Variants in SLC37A1 observed in about 807,000 individuals in gnomAD.
SLC37A1 encodes the protein glucose-6-phosphate exchanger SLC37A1.
Under a neutral mutation model 75.3 loss-of-function variants are expected in SLC37A1, and 49 were observed. That is an observed-to-expected ratio of 0.65 (90% confidence interval 0.52 to 0.83). The LOEUF (loss-of-function observed/expected upper bound fraction) is 0.83, where lower values mean the gene tolerates loss of function less well. Among genes scored for constraint, SLC37A1 ranks in the 40% least tolerant of loss-of-function variants. The probability of loss-of-function intolerance (pLI) is 0.00; values close to 1 mark genes in which losing one functional copy is unlikely to be tolerated. For synonymous variants in SLC37A1, 268 were observed against 292.1 expected (o/e 0.92, Z 0.84); for missense variants, 566 against 695.0 (o/e 0.81, Z 2.09).
At chr21:42,530,625 CACACACACACACACACACACACACACA>C (rs1323515384) in intron 3 of SLC37A1, among the ~76,000 whole-genome samples, 3 of 106,658 alleles carry the variant, frequency 2.8e-5, no homozygotes, top group Non-Finnish European at 6.4e-5. Flanking sequence ...CACACACACA[CACACACACACACACACACACACACACA>C]CACCCCCTCT....
rs746647344 is a variant in SLC37A1 at position 42,543,612 on chromosome 21, C to T, written c.730+10C>T. 6.9e-6 allele frequency: 11 copies of T among 1,584,568 alleles called. No homozygotes were observed. Among genetic ancestry groups the T allele is most frequent in the South Asian group, 4.6e-5 (4 of 87,282 alleles). On this transcript the variant is annotated intron_variant, in intron 8 of 19. Coordinates refer to ENST00000352133, the MANE Select transcript of SLC37A1 (RefSeq NM_001320537.2). ...CTCTTCCTCATTGAACGTAAGTGCA[C>T]GTGGCCTTGGAGACCACCCACCAAG...
At chr21:42,537,251 G>C (rs928124269) in intron 5 of SLC37A1, among the ~76,000 whole-genome samples, 1 of 152,250 alleles carries the variant, frequency 6.6e-6, no homozygotes, top group African/African-American at 2.4e-5. Flanking sequence ...TGGAATCCCA[G>C]AGTGTGTGGT....
At chr21:42,542,353 G>A in intron 6 of SLC37A1, 51 bp from the exon 7 acceptor site, 2 of 1,572,540 alleles carry the variant, frequency 1.3e-6, no homozygotes, top group South Asian at 2.3e-5. Flanking sequence ...CTGCAGCGCT[G>A]TCCCGGGCCT....
intron 3 of SLC37A1, among the ~76,000 whole-genome samples, chr21:42,528,379 G>A (rs1373221602): frequency 2.0e-5 from 3 of 152,182 alleles, no homozygotes; most frequent in Non-Finnish European, 4.4e-5. Context: ...ATCTTAGTGC[G>A]AGCTCTTTTC....
intron 2 of SLC37A1, chr21:42,508,806 A>T (rs1322470885): frequency 6.6e-6 from 1 of 152,202 alleles, no homozygotes; most frequent in Non-Finnish European, 1.5e-5. Context: ...CAAGAAAGTT[A>T]CTCTGCTGGG....
At chr21:42,526,755 C>G (rs1187364620) in intron 3 of SLC37A1, among the ~76,000 whole-genome samples, 1 of 152,178 alleles carries the variant, frequency 6.6e-6, no homozygotes, top group Non-Finnish European at 1.5e-5. Context: ...CTAAAATTCC[C>G]CCTTGGCCCC....
rs559665232 is a variant in SLC37A1, at chr21:42,519,656, C to T, written c.56+1146C>T. Among the ~76,000 whole-genome samples, 25 of 152,350 alleles carry T rather than the reference C, an allele frequency of 1.6e-4. 1 individual carries two copies. In the South Asian group the frequency reaches 5.2e-3, roughly 32 times the overall value. On this transcript the variant is annotated intron_variant, in intron 2 of 19. Transcript: ENST00000352133. Reference sequence around the variant, plus strand: ...CAGCCCCCAGCCCTGTGCAGCTTCTCAGCCCTGCTGGTTGGTGGAGCATCC... The same window carrying T: ...CAGCCCCCAGCCCTGTGCAGCTTCTTAGCCCTGCTGGTTGGTGGAGCATCC...
chr21:42,556,467 G>T (rs548516855), intron 10 of SLC37A1, among the ~76,000 whole-genome samples: 2 of 152,362 alleles, frequency 1.3e-5, no homozygotes, highest in African/African-American at 4.8e-5. Context: ...GTAGCGGGGT[G>T]AGCTTAGCAT....
rs753264834 is a variant in SLC37A1, at chr21:42,547,152, G to A, written c.768+12G>A. The stretch of plus-strand genomic sequence containing the variant: ...CCACCCTGGTGACGGTAAGGACCCT[G>A]TTTTCTTGTCCTTTTCTAGAACAGT... On this transcript the variant is annotated intron_variant, in intron 9 of 19. Coordinates refer to ENST00000352133, the MANE Select transcript of SLC37A1 (RefSeq NM_001320537.2). This position sits in a 1 kb window ranked among gnomAD's most constrained non-coding sequence, Gnocchi z 6.1. 1.5e-5 allele frequency: 25 copies of A among 1,614,050 alleles called. No individual in the cohort carries two copies. The highest frequency in any genetic ancestry group is 8.5e-7 in the Non-Finnish European group (1 of 1,180,008).
At position 42,567,114 on chromosome 21, in the gene SLC37A1, A is replaced by G. The variant is rs377691006; in HGVS notation, c.1344+56A>G. On this transcript the variant is annotated intron_variant, in intron 16 of 19. Coordinates refer to ENST00000352133, the MANE Select transcript of SLC37A1 (RefSeq NM_001320537.2). ...GTGGGCACCCTGCCATGTGCCATTC[A>G]TGACAAAAGTGGCCTCCATTACTGT... 486 of 1,582,244 alleles carry G rather than the reference A, an allele frequency of 3.1e-4. 4 individuals are homozygous for G. Among genetic ancestry groups the G allele is most frequent in the Admixed American group, 2.0e-3 (120 of 58,608 alleles).
chr21:42,562,615 G>A (rs1224229475), intron 12 of SLC37A1, among the ~76,000 whole-genome samples: 1 of 152,184 alleles, frequency 6.6e-6, no homozygotes, highest in Non-Finnish European at 1.5e-5. Flanking sequence ...TTATGTTTCA[G>A]AAGCCCCGCA....
chr21:42,551,113 A>C (rs1359709150), intron 9 of SLC37A1, among the ~76,000 whole-genome samples: 1 of 152,378 alleles, frequency 6.6e-6, no homozygotes, highest in African/African-American at 2.4e-5. Flanking sequence ...TTAGACAAGA[A>C]GTAAGACTAC....
intron 1 of SLC37A1, among the ~76,000 whole-genome samples, chr21:42,500,920 A>G (rs1413747707): frequency 6.6e-6 from 1 of 152,256 alleles, no homozygotes; most frequent in Non-Finnish European, 1.5e-5. Context: ...ATGTAGGTCA[A>G]TGGAAGGCTA....
At chr21:42,531,977 CA>C (rs1425659901) in intron 3 of SLC37A1, among the ~76,000 whole-genome samples, 4 of 152,034 alleles carry the variant, frequency 2.6e-5, no homozygotes, top group South Asian at 2.1e-4. Flanking sequence ...GGACCCTTCC[CA>C]GGGGCGGAGG....
At chr21:42,544,914 C>A (rs563308503) in intron 8 of SLC37A1, among the ~76,000 whole-genome samples, 1 of 152,326 alleles carries the variant, frequency 6.6e-6, no homozygotes, top group African/African-American at 2.4e-5. Context: ...TGTCTCCTGC[C>A]TGAGGGTAGA....
intron 1 of SLC37A1, among the ~76,000 whole-genome samples, chr21:42,501,082 C>T (rs2054336738): frequency 6.6e-6 from 1 of 152,336 alleles, no homozygotes; most frequent in Middle Eastern, 3.4e-3. Context: ...TCGAATTTCA[C>T]GTTGGGTAGC....
At chr21:42,502,041 T>G (rs891002926) in intron 1 of SLC37A1, among the ~76,000 whole-genome samples, 1 of 152,156 alleles carries the variant, frequency 6.6e-6, no homozygotes, top group East Asian at 1.9e-4. Context: ...TCAAATAAGA[T>G]AACGAGGATG....
chr21:42,542,357 C>T (rs972336287), intron 6 of SLC37A1, 47 bp from the exon 7 acceptor site: 37 of 1,581,138 alleles, frequency 2.3e-5, no homozygotes, highest in Admixed American at 6.9e-5. Context: ...AGCGCTGTCC[C>T]GGGCCTGCTT....
At chr21:42,565,961 G>T (rs1199957230) in intron 15 of SLC37A1, 86 bp downstream of exon 15, 6 of 1,381,446 alleles carry the variant, frequency 4.3e-6, no homozygotes, top group Non-Finnish European at 6.1e-6. Context: ...AAATCAACAG[G>T]CGCATTGAGC....
Sources: gnomAD v4.1 joint callset for allele counts (sites outside exome capture counted in the v4.1 genomes callset) on GRCh38, gnomAD v4.1.1 for gene constraint, Gnocchi (gnomAD v3.1) non-coding constraint, MANE v1.5 for transcripts, NCBI Gene and HGNC (gene_info 2026-07-23, HGNC 2026-07-21) for gene names.